Variants in HOOK1 observed in about 807,000 individuals in gnomAD.
HOOK1 encodes hook microtubule tethering protein 1.
Under a neutral mutation model 112.8 loss-of-function variants are expected in HOOK1, and 60 were observed. The observed-to-expected ratio is 0.53, with a 90% CI of 0.43 to 0.66. The LOEUF (loss-of-function observed/expected upper bound fraction) is 0.66. HOOK1 is among the 30% of genes least tolerant of loss of function. The probability of loss-of-function intolerance (pLI) is 0.00; values close to 1 mark genes in which losing one functional copy is unlikely to be tolerated. For missense variants in HOOK1, 770 were observed against 856.0 expected (o/e 0.90, Z 1.25); for synonymous variants, 294 against 283.8 (o/e 1.04, Z -0.36).
chr1:59,850,316 T>C (rs1455801855), intron 12 of HOOK1, among the ~76,000 whole-genome samples: 1 of 151,392 alleles, frequency 6.6e-6, no homozygotes, highest in Non-Finnish European at 1.5e-5. Context: ...CTATTCTGTG[T>C]GTTATCATCT....
At chr1:59,853,450 C>T (rs938935409) in intron 12 of HOOK1, among the ~76,000 whole-genome samples, 5 of 151,642 alleles carry the variant, frequency 3.3e-5, no homozygotes, top group Admixed American at 1.3e-4. Context: ...TCATTTTTTT[C>T]ACCCTTTTAT....
intron 12 of HOOK1, among the ~76,000 whole-genome samples, chr1:59,854,022 ATATATATATATATATATTTTTTTTTTT>A (rs2098408809): frequency 4.9e-5 from 1 of 20,468 alleles, no homozygotes; most frequent in African/African-American, 2.1e-4. Context: ...ATATATATAT[ATATATATATATATATATTTTTTTTTTT>A]TTTTTTTTTT....
At chr1:59,823,955 T>C (rs2098387937) in intron 2 of HOOK1, among the ~76,000 whole-genome samples, 1 of 152,208 alleles carries the variant, frequency 6.6e-6, no homozygotes, top group Non-Finnish European at 1.5e-5. Flanking sequence ...TTCTCTCTCG[T>C]TCTCTCTTTG....
chr1:59,868,860 A>T (rs1013283597), intron 20 of HOOK1, among the ~76,000 whole-genome samples: 1 of 152,218 alleles, frequency 6.6e-6, no homozygotes, highest in South Asian at 2.1e-4. Flanking sequence ...TTAGTTATTA[A>T]TCATGCAAAA....
chr1:59,832,490 A>G (rs185958319), intron 4 of HOOK1, among the ~76,000 whole-genome samples: 12 of 152,280 alleles, frequency 7.9e-5, no homozygotes, highest in Admixed American at 6.5e-4. Context: ...GTGCAATACT[A>G]TAAAGTAGAC....
At chr1:59,841,231 A>G (rs777584774) in intron 8 of HOOK1, among the ~76,000 whole-genome samples, 1 of 152,170 alleles carries the variant, frequency 6.6e-6, no homozygotes, top group Non-Finnish European at 1.5e-5. Context: ...GGTTAAGTGT[A>G]CCTTCATAAT....
intron 20 of HOOK1, among the ~76,000 whole-genome samples, 176 bp downstream of exon 20, chr1:59,868,527 T>A (rs991897236): frequency 2.0e-5 from 3 of 152,264 alleles, no homozygotes; most frequent in African/African-American, 7.2e-5. Flanking sequence ...ATGCTCTGTG[T>A]GTAGCTCATA....
rs1491568693 is a variant in HOOK1 at position 59,873,725 on chromosome 1, C to CCA, written c.*760_*761insCA. On this transcript the variant is annotated 3_prime_UTR_variant, in exon 22 of 22. Transcript: ENST00000371208. ...AGGTGACTTTCTGATGGAAAGCAAG[C>CCA]TATATATATATATATATATATATAT... 1 of 56,214 alleles carries CCA rather than the reference C, an allele frequency of 1.8e-5. No individual in the cohort carries two copies. Among genetic ancestry groups the CCA allele is most frequent in the Non-Finnish European group, 3.3e-5 (1 of 30,720 alleles). The allele number at this position is 56,214 out of a possible 1,614,324, so 3.5% of individuals were successfully genotyped here. A position where few individuals can be genotyped will look rare whatever the true frequency, so the allele number is the denominator to read the frequency against.
At chr1:59,864,108 T>C (rs1228872184) in intron 16 of HOOK1, among the ~76,000 whole-genome samples, 1 of 151,960 alleles carries the variant, frequency 6.6e-6, no homozygotes, top group African/African-American at 2.4e-5. Flanking sequence ...AAGAGGAAAT[T>C]GTATGTTTAA....
In HOOK1 at chr1:59,860,406, A is replaced by G. The variant is rs1296497991; in HGVS notation, c.1532+78A>G. 2.4e-6 allele frequency: 3 copies of G among 1,271,098 alleles called. No individual in the cohort carries two copies. The African/African-American group carries it at 4.6e-5, about 19-fold the overall frequency. The allele number at this position is 1,271,098 out of a possible 1,614,324, so 78.7% of individuals were successfully genotyped here. A position where few individuals can be genotyped will look rare whatever the true frequency, so the allele number is the denominator to read the frequency against. ...AAAATCTTGATTCACAGAAATGGAAAATATTATTGTAGCTAAAGTAATTAG... is the reference window on the plus strand; with the variant it reads ...AAAATCTTGATTCACAGAAATGGAAGATATTATTGTAGCTAAAGTAATTAG... On this transcript the variant is annotated intron_variant, in intron 15 of 21. Coordinates refer to ENST00000371208, the MANE Select transcript of HOOK1 (RefSeq NM_015888.6).
At chr1:59,840,444 GA>G in intron 8 of HOOK1, 53 bp downstream of exon 8, 1 of 1,155,176 alleles carries the variant, frequency 8.7e-7, no homozygotes, top group Non-Finnish European at 1.2e-6. Flanking sequence ...GTTTACAGAA[GA>G]TTTTTATTGT....
At chr1:59,863,114 C>G (rs769460891) in intron 16 of HOOK1, among the ~76,000 whole-genome samples, 6 of 152,072 alleles carry the variant, frequency 3.9e-5, no homozygotes, top group Non-Finnish European at 8.8e-5. Flanking sequence ...TACCAAAGTT[C>G]GTGATAATTC....
In HOOK1 at chr1:59,873,765, A is replaced by ATATG. The variant is rs1553465916; in HGVS notation, c.*800_*801insTATG. ...TATATATATATATATATATATATATACTTTTTGTGAAATGTCTATATACTT... is the reference window on the plus strand; with the variant it reads ...TATATATATATATATATATATATATATATGCTTTTTGTGAAATGTCTATATACTT... On this transcript the variant is annotated 3_prime_UTR_variant, in exon 22 of 22. Coordinates refer to ENST00000371208, the MANE Select transcript of HOOK1 (RefSeq NM_015888.6). The ATATG allele has an allele frequency of 3.9e-3, 478 of 122,978 alleles. 6 individuals carry two copies. The highest frequency in any genetic ancestry group is 5.8e-3 in the Non-Finnish European group (332 of 57,140). The allele number at this position is 122,978 out of a possible 1,614,324, so 7.6% of individuals were successfully genotyped here. A position where few individuals can be genotyped will look rare whatever the true frequency, so the allele number is the denominator to read the frequency against.
intron 5 of HOOK1, 69 bp from the exon 6 acceptor site, chr1:59,835,276 T>C: frequency 1.2e-6 from 1 of 835,258 alleles, no homozygotes; most frequent in South Asian, 1.4e-5. Context: ...TATAGTCTAT[T>C]AATTTGATGG....
chr1:59,837,762 G>A (rs562008671), intron 7 of HOOK1, among the ~76,000 whole-genome samples: 1 of 152,108 alleles, frequency 6.6e-6, no homozygotes, highest in African/African-American at 2.4e-5. Flanking sequence ...TTGTTACATA[G>A]GTATACACAT....
chr1:59,830,474 G>C (rs749779185), intron 3 of HOOK1, among the ~76,000 whole-genome samples: 1 of 151,856 alleles, frequency 6.6e-6, no homozygotes, highest in Non-Finnish European at 1.5e-5. Flanking sequence ...TCTTTTATTT[G>C]AAATCAAATT....
chr1:59,852,599 A>G (rs148993257), intron 12 of HOOK1, among the ~76,000 whole-genome samples: 250 of 150,888 alleles, frequency 1.7e-3, no homozygotes, highest in African/African-American at 5.8e-3. Context: ...TCAAATAACT[A>G]ACTTGTGGTT....
chr1:59,862,917 GCTTTT>G (rs2098414376), intron 16 of HOOK1, 40 bp downstream of exon 16: 2 of 1,167,444 alleles, frequency 1.7e-6, no homozygotes, highest in East Asian at 4.7e-5. Context: ...GCTGTGTATG[GCTTTT>G]CTTTAATAGA....
intron 9 of HOOK1, among the ~76,000 whole-genome samples, chr1:59,845,087 A>G (rs1193148098): frequency 1.3e-5 from 2 of 151,948 alleles, no homozygotes; most frequent in Admixed American, 6.6e-5. Context: ...ACAATTCTGA[A>G]GACTGGGAAC....
Sources: allele counts gnomAD v4.1 joint callset (sites outside exome capture counted in the v4.1 genomes callset), GRCh38; gene constraint gnomAD v4.1.1; transcripts MANE v1.5; gene names NCBI Gene and HGNC (gene_info 2026-07-23, HGNC 2026-07-21).